Variants in DNM2 observed in about 807,000 individuals in gnomAD.
DNM2 encodes dynamin 2, also known as dynamin-2.
Under a neutral mutation model 99.0 loss-of-function variants are expected in DNM2, and 15 were observed. The observed-to-expected ratio is 0.15, with a 90% CI of 0.10 to 0.23. DNM2 has a LOEUF of 0.23. DNM2 is among the 10% of genes least tolerant of loss of function. The pLI, the probability that DNM2 is intolerant of heterozygous loss-of-function variation, is 1.00. For synonymous variants in DNM2, 525 were observed against 481.2 expected, an observed-to-expected ratio of 1.09 and a Z score of -1.19; for missense variants, 742 against 1,189.4, an observed-to-expected ratio of 0.62 and a Z score of 5.53.
chr19:10,797,284 T>C (rs540631345), intron 9 of DNM2, 96 bp from the exon 10 acceptor site: 1 of 1,546,838 alleles, frequency 6.5e-7, no homozygotes, highest in African/African-American at 1.4e-5. Context: ...CAGATGACTC[T>C]CGTTTCTTCT....
intron 1 of DNM2, among the ~76,000 whole-genome samples, chr19:10,724,667 C>T (rs2069055068): frequency 2.0e-5 from 3 of 152,064 alleles, no homozygotes; most frequent in Non-Finnish European, 2.9e-5. Context: ...GGGACCAGGC[C>T]TCTAGGAACA....
chr19:10,793,163 T>C (rs1486442369), intron 7 of DNM2, among the ~76,000 whole-genome samples: 1 of 152,196 alleles, frequency 6.6e-6, no homozygotes. Context: ...AGTGACTTCT[T>C]GGAGGTAATG....
rs140146068 is a variant in DNM2, at chr19:10,776,188, C to T, written c.589+282C>T. 2.0e-4 allele frequency among the ~76,000 whole-genome samples: 31 copies of T among 152,290 alleles called. 1 individual carries two copies. The East Asian group carries it at 5.8e-3, about 28-fold the overall frequency. On this transcript the variant is annotated intron_variant, in intron 4 of 20. Coordinates refer to ENST00000389253, the MANE Select transcript of DNM2 (RefSeq NM_001005361.3). ...CTGAAGGAAGGGCCCAGCGCTCCAT[C>T]GCCCAGATGCGATCTTAGGTCCCAT...
In DNM2 at chr19:10,830,273, C is replaced by A; in HGVS notation, c.2438C>A (p.Pro813His). ...SFSAPPIPSR[P>H]GPQSVFANSD... The stretch of plus-strand genomic sequence containing the variant: ...TCGGCGCCCCCAATCCCATCCCGGC[C>A]TGGACCCCAGAGCGTGTTTGCCAAC... Residue 813 changes from proline to histidine, a missense_variant, in exon 20 of 21, where the codon CCT becomes CAT. By Grantham distance (77) the Pro-to-His change is moderately conservative. Coordinates refer to ENST00000389253, the MANE Select transcript of DNM2 (RefSeq NM_001005361.3). This position sits in a 1 kb window ranked among gnomAD's most constrained non-coding sequence, Gnocchi z 4.8. 1 of 1,613,982 alleles carries A rather than the reference C, an allele frequency of 6.2e-7. No individual in the cohort carries two copies. Among genetic ancestry groups the A allele is most frequent in the South Asian group, 1.1e-5 (1 of 91,090 alleles).
intron 1 of DNM2, among the ~76,000 whole-genome samples, chr19:10,751,261 C>T (rs755292038): frequency 3.9e-4 from 60 of 151,952 alleles, no homozygotes; most frequent in Non-Finnish European, 6.6e-4. Context: ...CCAGGAAGCC[C>T]GCCCAGGATC....
chr19:10,828,859 A>G, intron 18 of DNM2, 177 bp from the exon 19 acceptor site: 2 of 642,730 alleles, frequency 3.1e-6, no homozygotes, highest in East Asian at 5.6e-5. Context: ...CGGGAGGCGG[A>G]GGTTGCAGTG....
rs1264504330 is a variant in DNM2, at chr19:10,830,794, C to T, written c.2544-184C>T. On this transcript the variant is annotated intron_variant, in intron 20 of 20. Transcript: ENST00000389253. This position sits in a 1 kb window ranked among gnomAD's most constrained non-coding sequence, Gnocchi z 4.8. ...GGCAGGGGGCTCACTGAGGGTCAAACAGCAGGCGAGTTGATGCCTAGGTTT... is the reference window on the plus strand; with the variant it reads ...GGCAGGGGGCTCACTGAGGGTCAAATAGCAGGCGAGTTGATGCCTAGGTTT... 2.0e-5 allele frequency among the ~76,000 whole-genome samples: 3 copies of T among 152,136 alleles called. No homozygotes were observed. The highest frequency in any genetic ancestry group is 4.4e-5 in the Non-Finnish European group (3 of 67,990).
intron 1 of DNM2, among the ~76,000 whole-genome samples, chr19:10,739,802 G>A (rs1037852467): frequency 6.9e-6 from 1 of 144,124 alleles, no homozygotes; most frequent in East Asian, 2.0e-4. Flanking sequence ...GTTGCAGTGA[G>A]CCGAGATCAC....
rs953277973 is a variant in DNM2 at position 10,764,588 on chromosome 19, C to T, written c.235+4777C>T. On this transcript the variant is annotated intron_variant, in intron 2 of 20. Transcript: ENST00000389253. This position sits in a 1 kb window ranked among gnomAD's most constrained non-coding sequence, Gnocchi z 4.1. The stretch of plus-strand genomic sequence containing the variant: ...GGCCCTGTGAACCACCCCTCCCCAC[C>T]GCCCTTGGCCTTGAACTGGCCTTTG... 1.1e-4 allele frequency among the ~76,000 whole-genome samples: 17 copies of T among 152,334 alleles called. No homozygotes were observed. The highest frequency in any genetic ancestry group is 3.6e-4 in the African/African-American group (15 of 41,574).
chr19:10,823,454 G>A (rs2073048465), intron 16 of DNM2: 1 of 297,354 alleles, frequency 3.4e-6, no homozygotes, highest in Admixed American at 4.3e-5. Flanking sequence ...CTGGTGGACA[G>A]TGCTGCTCTG....
rs79688979 is a variant in DNM2, at chr19:10,808,803, G to A, written c.1557+223G>A. ...TAACTGGACCGCCACCCTTGAAGGC[G>A]CACTTCTGCAGCCAGTTCCTGGCAG... On this transcript the variant is annotated intron_variant, in intron 14 of 20. Transcript: ENST00000389253. 1.5e-3 allele frequency: 744 copies of A among 480,886 alleles called. 6 individuals carry two copies. Among genetic ancestry groups the A allele is most frequent in the African/African-American group, 0.013 (662 of 50,324 alleles). The allele number at this position is 480,886 out of a possible 1,614,324, so 29.8% of individuals were successfully genotyped here. A position where few individuals can be genotyped will look rare whatever the true frequency, so the allele number is the denominator to read the frequency against.
At chr19:10,725,740 T>C (rs2069093345) in intron 1 of DNM2, among the ~76,000 whole-genome samples, 1 of 152,152 alleles carries the variant, frequency 6.6e-6, no homozygotes, top group Admixed American at 6.6e-5. Context: ...TCTCCTTTTA[T>C]CTGGGATCAG....
chr19:10,748,992 G>A (rs954204110), intron 1 of DNM2, among the ~76,000 whole-genome samples: 2 of 152,300 alleles, frequency 1.3e-5, no homozygotes, highest in African/African-American at 4.8e-5. Context: ...GTGGTGTCAC[G>A]TGAGCCCTCC....
intron 2 of DNM2, among the ~76,000 whole-genome samples, chr19:10,770,397 T>C (rs1259293396): frequency 6.6e-6 from 1 of 152,188 alleles, no homozygotes; most frequent in East Asian, 1.9e-4. Context: ...TGTGACTTAT[T>C]ACCCCTTTCT....
At chr19:10,761,054 T>C (rs995640461) in intron 2 of DNM2, among the ~76,000 whole-genome samples, 9 of 152,120 alleles carry the variant, frequency 5.9e-5, no homozygotes, top group African/African-American at 2.2e-4. Flanking sequence ...AGTGGCGTGA[T>C]CTCGGCTCAC....
chr19:10,735,771 C>T (rs1331252717), intron 1 of DNM2, among the ~76,000 whole-genome samples: 2 of 151,924 alleles, frequency 1.3e-5, no homozygotes, highest in Non-Finnish European at 2.9e-5. Flanking sequence ...GCCTCTGGCT[C>T]CCAAAGTGCT....
chr19:10,797,838 T>G (rs2071992597), intron 10 of DNM2, among the ~76,000 whole-genome samples: 2 of 152,228 alleles, frequency 1.3e-5, no homozygotes, highest in Admixed American at 6.5e-5. Context: ...AGGAAACACA[T>G]CATCTGTATA....
At chr19:10,744,092 A>T (rs1396160053) in intron 1 of DNM2, among the ~76,000 whole-genome samples, 1 of 151,580 alleles carries the variant, frequency 6.6e-6, no homozygotes, top group African/African-American at 2.4e-5. Flanking sequence ...CAGGAGGCGG[A>T]GGTTGCAATG....
chr19:10,753,089 A>C (rs116331327), intron 1 of DNM2, among the ~76,000 whole-genome samples: 6,349 of 152,188 alleles, frequency 0.042, 428 homozygotes, highest in East Asian at 0.33. Flanking sequence ...TTACCACTGC[A>C]CTCCAGCCAG....
Sources: allele counts gnomAD v4.1 joint callset (sites outside exome capture counted in the v4.1 genomes callset), GRCh38; gene constraint gnomAD v4.1.1; non-coding constraint Gnocchi (gnomAD v3.1); transcripts MANE v1.5; gene names NCBI Gene and HGNC (gene_info 2026-07-23, HGNC 2026-07-21).